Variants in CWC22 observed in about 807,000 individuals in gnomAD.
The protein encoded by CWC22 is CWC22 spliceosome associated protein.
In CWC22, 53 loss-of-function variants were observed where a neutral mutation model predicts 117.2. That is an observed-to-expected ratio of 0.45 (90% CI 0.36 to 0.57). The LOEUF (loss-of-function observed/expected upper bound fraction) is 0.57. CWC22 is among the 20% of genes least tolerant of loss of function. The pLI, the probability that CWC22 is intolerant of heterozygous loss-of-function variation, is 0.00. For synonymous variants in CWC22, 360 were observed against 355.6 expected, an observed-to-expected ratio of 1.01 and a Z score of -0.14; for missense variants, 980 against 1,068.8, an observed-to-expected ratio of 0.92 and a Z score of 1.16.
At chr2:179,998,895 C>G (rs1687776763) in intron 1 of CWC22, among the ~76,000 whole-genome samples, 1 of 152,176 alleles carries the variant, frequency 6.6e-6, no homozygotes, top group African/African-American at 2.4e-5. Context: ...CTCTTCCCAA[C>G]CTACTTACAC....
At chr2:179,974,705 T>C (rs1687114559) in intron 6 of CWC22, among the ~76,000 whole-genome samples, 1 of 152,272 alleles carries the variant, frequency 6.6e-6, no homozygotes, top group African/African-American at 2.4e-5. Flanking sequence ...CTTGATCAAC[T>C]TTCTCTACCT....
At chr2:179,954,165 G>A (rs904308593) in intron 16 of CWC22, 40 bp downstream of exon 16, 16 of 1,492,812 alleles carry the variant, frequency 1.1e-5, no homozygotes, top group Non-Finnish European at 1.4e-5. Context: ...TGAGAACAGG[G>A]AATTAGGAAG....
intron 5 of CWC22, among the ~76,000 whole-genome samples, chr2:179,980,662 G>T (rs550694267): frequency 6.6e-6 from 1 of 151,790 alleles, no homozygotes; most frequent in African/African-American, 2.4e-5. Context: ...CGAGGTGGGC[G>T]GATCATGACG....
In CWC22 at chr2:179,946,920, GT is replaced by G. The variant is rs548431301; in HGVS notation, c.2141-1206del. On this transcript the variant is annotated intron_variant, in intron 19 of 19. Coordinates refer to ENST00000410053, the MANE Select transcript of CWC22 (RefSeq NM_020943.3). ...GCTTTATTAGAGCCACAAAGGCTTA[GT>G]TTCTGTAGAAACTCTTCTGAAAAGA... Among the ~76,000 whole-genome samples, 645 of 152,232 alleles carry G rather than the reference GT, an allele frequency of 4.2e-3. 4 individuals are homozygous for G. Among genetic ancestry groups the G allele is most frequent in the African/African-American group, 0.014 (598 of 41,534 alleles).
chr2:179,959,840 G>A (rs190366187), intron 13 of CWC22, among the ~76,000 whole-genome samples: 354 of 152,108 alleles, frequency 2.3e-3, no homozygotes, highest in Non-Finnish European at 3.9e-3. Flanking sequence ...ATTATATGGC[G>A]CATGACTGTA....
In CWC22 at chr2:179,945,554, T is replaced by A. The variant is rs760911893; in HGVS notation, c.2302A>T (p.Arg768Ter). The A allele has an allele frequency of 1.1e-5, 18 of 1,613,176 alleles. No homozygotes were observed. The highest frequency in any genetic ancestry group is 1.5e-5 in the Non-Finnish European group (18 of 1,179,460). The stretch of plus-strand genomic sequence containing the variant: ...TTTGAACCACTTGAATTTTGATCTC[T>A]GTGTTTTTCTGACCTTCTTTCTCTC... ...TERERRSEKH[R>*]DQNSSGSNWR... The change falls in exon 20 of 20, where the codon AGA (arginine) becomes TGA (stop). Residue 768 changes from arginine to a stop codon, truncating the protein, a stop_gained. Coordinates refer to ENST00000410053, the MANE Select transcript of CWC22 (RefSeq NM_020943.3). LOFTEE classifies it high-confidence loss of function.
At chr2:179,987,056 T>G (rs1413378958) in intron 3 of CWC22, among the ~76,000 whole-genome samples, 1 of 152,182 alleles carries the variant, frequency 6.6e-6, no homozygotes, top group African/African-American at 2.4e-5. Flanking sequence ...TTATCCTGAT[T>G]CACTTTGTTC....
intron 1 of CWC22, among the ~76,000 whole-genome samples, chr2:180,004,335 T>C (rs533782455): frequency 2.0e-5 from 3 of 152,366 alleles, no homozygotes; most frequent in East Asian, 3.9e-4. Context: ...CAAGCCACTG[T>C]AGGTCATTCA....
At position 179,954,181 on chromosome 2, in the gene CWC22, A is replaced by G. The variant is rs747238261; in HGVS notation, c.1689+24T>C. The G allele has an allele frequency of 1.3e-5, 20 of 1,557,188 alleles. No homozygotes were observed. In the East Asian group the frequency reaches 3.9e-4, roughly 30 times the overall value. ...GAGAACAGGGAATTAGGAAGGAAGT[A>G]TAAATATTGACCCATGTACTTACAC... On this transcript the variant is annotated intron_variant, in intron 16 of 19. Coordinates refer to ENST00000410053, the MANE Select transcript of CWC22 (RefSeq NM_020943.3).
chr2:179,964,139 C>T (rs1686829612), intron 13 of CWC22, among the ~76,000 whole-genome samples: 1 of 152,190 alleles, frequency 6.6e-6, no homozygotes, highest in African/African-American at 2.4e-5. Flanking sequence ...CACTGTCCAA[C>T]AGTCATCACA....
chr2:179,988,714 G>T, intron 2 of CWC22, 70 bp from the exon 3 acceptor site: 2 of 774,286 alleles, frequency 2.6e-6, no homozygotes, highest in South Asian at 2.1e-5. Flanking sequence ...GAAATACATG[G>T]CTTAGAAAGT....
chr2:179,999,265 A>G (rs1053848224), intron 1 of CWC22, among the ~76,000 whole-genome samples: 4 of 152,180 alleles, frequency 2.6e-5, no homozygotes, highest in Non-Finnish European at 5.9e-5. Flanking sequence ...CAATTTATCT[A>G]GAGTTTATAG....
At chr2:179,988,066 T>C (rs1169449917) in intron 3 of CWC22, among the ~76,000 whole-genome samples, 2 of 152,168 alleles carry the variant, frequency 1.3e-5, no homozygotes, top group African/African-American at 4.8e-5. Flanking sequence ...AGAGGGTTTG[T>C]GCTCCTATGA....
At chr2:179,962,854 G>A (rs1026362257) in intron 13 of CWC22, among the ~76,000 whole-genome samples, 3 of 151,926 alleles carry the variant, frequency 2.0e-5, no homozygotes, top group Non-Finnish European at 4.4e-5. Flanking sequence ...GATAGATATG[G>A]TAATTACCCT....
intron 4 of CWC22, among the ~76,000 whole-genome samples, chr2:179,982,669 A>G (rs552572404): frequency 6.6e-6 from 1 of 152,164 alleles, no homozygotes; most frequent in African/African-American, 2.4e-5. Flanking sequence ...ATGTGGGGGG[A>G]AAAACTTTTC....
chr2:179,978,342 A>G, intron 5 of CWC22, 24 bp from the exon 6 acceptor site: 1 of 1,434,032 alleles, frequency 7.0e-7, no homozygotes, highest in Admixed American at 3.2e-5. Flanking sequence ...ATTTTAATAA[A>G]GATTAAAACT....
chr2:179,965,950 T>G lies in CWC22; in HGVS notation c.1243A>C (p.Thr415Pro). ...TCACTACTCCCAGCATCCTGGTCTG[T>G]GTTCGAGTCAGTATCTCCCTCATCA... ...ILDEGDTDSN[T>P]DQDAGSSEED... is the part of the protein sequence containing the mutation. The change falls in exon 12 of 20, where the codon ACA becomes CCA. Residue 415 changes from threonine (T) to proline (P), a missense_variant. Coordinates refer to ENST00000410053, the MANE Select transcript of CWC22 (RefSeq NM_020943.3). 1.2e-6 allele frequency: 2 copies of G among 1,612,588 alleles called. No individual in the cohort carries two copies. Among genetic ancestry groups the G allele is most frequent in the Non-Finnish European group, 1.7e-6 (2 of 1,178,884 alleles).
Position 179,950,876 on chromosome 2 carries a change from T to A in CWC22, c.1868A>T (p.Asn623Ile), listed in dbSNP as rs768647257. 2 of 1,592,734 alleles carry A rather than the reference T, an allele frequency of 1.3e-6. No individual in the cohort carries two copies. The highest frequency in any genetic ancestry group is 2.3e-5 in the South Asian group (2 of 88,348). Reference sequence around the variant, plus strand: ...AAAGAAGTTGATGGCAAACCGAGTGTTTCTTGGATTATCTCGGGGTAATAA... The same window carrying A: ...AAAGAAGTTGATGGCAAACCGAGTGATTCTTGGATTATCTCGGGGTAATAA... ...EGLLPRDNPR[N>I]TRFAINFFTS... is the part of the protein sequence containing the mutation. The change falls in exon 18 of 20, where the codon AAC becomes ATC. Residue 623 changes from asparagine (N) to isoleucine (I), a missense_variant. Transcript: ENST00000410053.
chr2:180,002,443 C>A (rs1687869546), intron 1 of CWC22, among the ~76,000 whole-genome samples: 1 of 152,000 alleles, frequency 6.6e-6, no homozygotes, highest in Admixed American at 6.5e-5. Flanking sequence ...GCCTGGGCAA[C>A]ATAGTGAGAT....
Sources: gnomAD v4.1 joint callset for allele counts (sites outside exome capture counted in the v4.1 genomes callset) on GRCh38, gnomAD v4.1.1 for gene constraint, MANE v1.5 for transcripts, NCBI Gene and HGNC (gene_info 2026-07-23, HGNC 2026-07-21) for gene names.